The following FHAD1 variants were observed in gnomAD, a reference collection of about 807,000 sequenced individuals.
FHAD1 encodes forkhead-associated domain-containing protein 1.
A neutral mutation model predicts 191.3 loss-of-function variants in FHAD1; 146 were observed. The observed-to-expected ratio is 0.76, with a 90% CI of 0.67 to 0.88. The LOEUF (loss-of-function observed/expected upper bound fraction) is 0.88, where lower values mean the gene tolerates loss of function less well. FHAD1 is among the 40% of genes least tolerant of loss of function. The pLI, the probability that FHAD1 is intolerant of heterozygous loss-of-function variation, is 0.00. For missense variants in FHAD1, 1,635 were observed against 1,785.8 expected, an observed-to-expected ratio of 0.92 and a Z score of 1.52; for synonymous variants, 616 against 672.3, an observed-to-expected ratio of 0.92 and a Z score of 1.29.
chr1:15,337,016 C>A (rs888592893), intron 14 of FHAD1, among the ~76,000 whole-genome samples: 2 of 152,238 alleles, frequency 1.3e-5, no homozygotes, highest in African/African-American at 4.8e-5. Flanking sequence ...GCTTCCCCAG[C>A]CACTCCTATG....
chr1:15,238,115 C>T lies in FHAD1; in HGVS notation c.-15+1354C>T, dbSNP rs184019641. ...TATAAAAATTAGACAGGCATGGTGG[C>T]GCACACCTGTAACCCCAGCTACTCA... is the stretch of plus-strand genomic sequence containing the variant. On this transcript the variant is annotated intron_variant, in intron 1 of 33. Coordinates refer to the FHAD1 transcript ENST00000683790. Among the ~76,000 whole-genome samples, 26 of 151,912 alleles carry T rather than the reference C, an allele frequency of 1.7e-4. No individual in the cohort carries two copies. The East Asian group carries it at 1.9e-3, about 11-fold the overall frequency.
intron 4 of FHAD1, among the ~76,000 whole-genome samples, chr1:15,291,617 C>T (rs1664804564): frequency 6.6e-6 from 1 of 152,140 alleles, no homozygotes; most frequent in African/African-American, 2.4e-5. Flanking sequence ...ATATAGCACC[C>T]TAAAACAAAC....
intron 31 of FHAD1, among the ~76,000 whole-genome samples, chr1:15,387,602 T>A (rs1468595922): frequency 6.6e-6 from 1 of 151,794 alleles, no homozygotes; most frequent in African/African-American, 2.4e-5. Flanking sequence ...ACAAAAAAAT[T>A]AGCTGGGTGT....
chr1:15,259,802 C>T (rs776025449), intron 2 of FHAD1, among the ~76,000 whole-genome samples: 3 of 152,160 alleles, frequency 2.0e-5, no homozygotes, highest in Non-Finnish European at 4.4e-5. Context: ...GACAGCTCCT[C>T]AGAGCAGACC....
At chr1:15,278,162 C>T (rs1659140879) in intron 3 of FHAD1, among the ~76,000 whole-genome samples, 1 of 130,664 alleles carries the variant, frequency 7.7e-6, no homozygotes, top group Non-Finnish European at 1.6e-5. Context: ...CCTCCATGCC[C>T]ACCAGTGTTT....
At chr1:15,352,347 G>A (rs969785701) in intron 19 of FHAD1, among the ~76,000 whole-genome samples, 8 of 152,060 alleles carry the variant, frequency 5.3e-5, no homozygotes, top group Admixed American at 2.0e-4. Flanking sequence ...CAGGTCTATG[G>A]CGTTTGTGTT....
At chr1:15,259,754 C>T (rs1009583871) in intron 2 of FHAD1, among the ~76,000 whole-genome samples, 2 of 152,046 alleles carry the variant, frequency 1.3e-5, no homozygotes, top group African/African-American at 4.8e-5. Flanking sequence ...CTGAGGGCTG[C>T]GTGGATGACC....
chr1:15,332,832 T>G (rs1682280678), intron 14 of FHAD1, among the ~76,000 whole-genome samples: 1 of 152,238 alleles, frequency 6.6e-6, no homozygotes, highest in South Asian at 2.1e-4. Flanking sequence ...TTCTCCTGAC[T>G]TCATGGAGTC....
At position 15,367,640 on chromosome 1, in the gene FHAD1, C is replaced by CG; in HGVS notation, c.3314+21dup. Reference sequence around the variant, plus strand: ...GCACTCAGGTTGGGTGGGCGGGGGCCGGGTTGGGGGGATGGTTTGCCTGCC... The same window carrying CG: ...GCACTCAGGTTGGGTGGGCGGGGGCCGGGGTTGGGGGGATGGTTTGCCTGCC... On this transcript the variant is annotated intron_variant, in intron 25 of 33. Coordinates refer to ENST00000688493, the MANE Select transcript of FHAD1 (RefSeq NM_001391957.1). 4.6e-5 allele frequency: 8 copies of CG among 173,638 alleles called. No individual in the cohort carries two copies. Among genetic ancestry groups the CG allele is most frequent in the South Asian group, 1.5e-4 (3 of 20,080 alleles). 10.8% of individuals were successfully genotyped at this position (173,638 alleles called of 1,614,324 possible). A position where few individuals can be genotyped will look rare whatever the true frequency, so the allele number is the denominator to read the frequency against.
At chr1:15,277,754 C>T (rs544011864) in intron 3 of FHAD1, among the ~76,000 whole-genome samples, 5 of 152,274 alleles carry the variant, frequency 3.3e-5, no homozygotes, top group Admixed American at 2.0e-4. Flanking sequence ...CTTCCTCATT[C>T]GCCTCCACTA....
intron 6 of FHAD1, among the ~76,000 whole-genome samples, chr1:15,303,734 A>G (rs2100951954): frequency 6.6e-6 from 1 of 152,238 alleles, no homozygotes; most frequent in African/African-American, 2.4e-5. Flanking sequence ...CTGTAATCCC[A>G]GCTACTTGGG....
At chr1:15,310,785 G>T (rs959391926) in intron 7 of FHAD1, among the ~76,000 whole-genome samples, 1 of 152,158 alleles carries the variant, frequency 6.6e-6, no homozygotes, top group African/African-American at 2.4e-5. Context: ...CAATAGACAG[G>T]TTCAGCTCCT....
upstream of FHAD1, among the ~76,000 whole-genome samples, chr1:15,243,978 C>T (rs75307173): frequency 0.011 from 1,725 of 152,154 alleles, 37 homozygotes; most frequent in African/African-American, 0.039. Context: ...ATATGGGCTT[C>T]GTCGTCACCA....
downstream of FHAD1, among the ~76,000 whole-genome samples, chr1:15,398,481 A>G (rs757599236): frequency 1.3e-5 from 2 of 152,190 alleles, no homozygotes; most frequent in South Asian, 4.2e-4. Flanking sequence ...GAGAACTTAC[A>G]TGGCCTGCCT....
intron 16 of FHAD1, among the ~76,000 whole-genome samples, chr1:15,342,784 C>G (rs1330267557): frequency 2.0e-5 from 3 of 151,246 alleles, no homozygotes; most frequent in Admixed American, 6.6e-5. Flanking sequence ...CTCAGCCTCC[C>G]AAGTAGCTGG....
At chr1:15,398,893 T>C (rs888295170), downstream of FHAD1, among the ~76,000 whole-genome samples, 1 of 151,768 alleles carries the variant, frequency 6.6e-6, no homozygotes, top group African/African-American at 2.4e-5. Flanking sequence ...CGATCTCTGC[T>C]CACTGCAACC....
At position 15,349,064 on chromosome 1, in the gene FHAD1, A is replaced by G. The variant is rs975691362; in HGVS notation, c.2369A>G (p.His790Arg). The change falls in exon 19 of 34, where the codon CAT becomes CGT. Residue 790 changes from histidine (H) to arginine (R), a missense_variant. His to Arg is a conservative substitution (Grantham distance 29, BLOSUM62 0). Transcript: ENST00000688493. The part of the protein sequence containing the change: ...QKEVLESSIA[H>R]EKRKAKEALE... Reference sequence around the variant, plus strand: ...CAGGTTTTGGAGAGCAGCATAGCCCATGAAAAAAGAAAAGCAAAGGAAGCC... The same window carrying G: ...CAGGTTTTGGAGAGCAGCATAGCCCGTGAAAAAAGAAAAGCAAAGGAAGCC... 4 of 1,551,546 alleles carry G rather than the reference A, an allele frequency of 2.6e-6. No individual in the cohort carries two copies. The highest frequency in any genetic ancestry group is 1.4e-5 in the African/African-American group (1 of 73,014).
intron 28 of FHAD1, among the ~76,000 whole-genome samples, chr1:15,378,054 AACACTTT>A (rs1700065045): frequency 6.6e-6 from 1 of 152,164 alleles, no homozygotes; most frequent in Admixed American, 6.5e-5. Context: ...CTGTAATCCC[AACACTTT>A]GGGAGGCCGA....
rs564599552 is a variant in FHAD1 at position 15,311,090 on chromosome 1, G to A, written c.1040-1967G>A. On this transcript the variant is annotated intron_variant, in intron 7 of 33. Transcript: ENST00000688493. The surrounding 1 kb of genome is among the most constrained non-coding windows in gnomAD (Gnocchi z 4.1). ...TGGAAACAAACAAGATGAAATCTAC[G>A]ATTGCCCCCGGCTGGCTTGCGCTGG... Among the ~76,000 whole-genome samples, 2 of 152,296 alleles carry A rather than the reference G, an allele frequency of 1.3e-5. No homozygotes were observed. Among genetic ancestry groups the A allele is most frequent in the South Asian group, 2.1e-4 (1 of 4,818 alleles).
Sources: gnomAD v4.1 joint callset for allele counts (sites outside exome capture counted in the v4.1 genomes callset) on GRCh38, gnomAD v4.1.1 for gene constraint, Gnocchi (gnomAD v3.1) non-coding constraint, MANE v1.5 for transcripts, NCBI Gene and HGNC (gene_info 2026-07-23, HGNC 2026-07-21) for gene names.